SLC37A3: variants seen among roughly 807,000 people sequenced by gnomAD.
The protein encoded by SLC37A3 is solute carrier family 37 member 3.
SLC37A3 carries 51 observed loss-of-function variants against 67.1 expected under a neutral mutation model. The ratio of observed to expected loss-of-function variants is 0.76; its 90% CI spans 0.61 to 0.96. The LOEUF is 0.96. Ranked by LOEUF, SLC37A3 falls within the 40% of genes least tolerant of loss-of-function variation. The pLI is 0.00. For synonymous variants in SLC37A3, 214 were observed against 231.4 expected (o/e 0.92, Z 0.68); for missense variants, 508 against 603.0 (o/e 0.84, Z 1.65).
chr7:140,385,829 C>G (rs1008560234), intron 1 of SLC37A3, among the ~76,000 whole-genome samples: 35 of 152,204 alleles, frequency 2.3e-4, no homozygotes, highest in Admixed American at 1.2e-3. Context: ...GTTGCCCAGG[C>G]TGGAATGCAG....
At position 140,351,453 on chromosome 7, in the gene SLC37A3, T is replaced by A. The variant is rs758348166; in HGVS notation, c.704-2A>T. On this transcript the variant is annotated splice_acceptor_variant, in intron 8 of 14. Transcript: ENST00000326232. LOFTEE classifies it high-confidence loss of function. ...CTTCTGCCTCAATACCCGAGAGACC[T>A]AAAATAACAGCGACAGCCACTGTTT... 4.3e-6 allele frequency: 7 copies of A among 1,612,796 alleles called. No homozygotes were observed. The highest frequency in any genetic ancestry group is 5.1e-6 in the Non-Finnish European group (6 of 1,179,108).
chr7:140,335,487 C>T lies in SLC37A3; in HGVS notation c.1410G>A (p.Val470=). The change falls in exon 15 of 15, where the codon GTG becomes GTA. Residue 470 remains valine, a synonymous_variant. Transcript: ENST00000326232. Reference sequence around the variant, plus strand: ...CCCTCACTATTAATGGCGAGATAAACACAATTGTACAACTTGTCTGTAAAG... The same window carrying T: ...CCCTCACTATTAATGGCGAGATAAATACAATTGTACAACTTGTCTGTAAAG... ...FFILMTSCTI[V]FISPLIVREI... is the part of the protein sequence containing the mutation. The T allele has an allele frequency of 6.2e-7, 1 of 1,613,880 alleles. No individual in the cohort carries two copies. The highest frequency in any genetic ancestry group is 8.5e-7 in the Non-Finnish European group (1 of 1,180,006).
rs117888733 is a variant in SLC37A3, at chr7:140,394,994, A to G, written c.-71+3422T>C. ...CAGATCTAATTCTAGATCCTATGTTATATCATTTAAGGGTAAAGGTTAAAA... is the reference window on the plus strand; with the variant it reads ...CAGATCTAATTCTAGATCCTATGTTGTATCATTTAAGGGTAAAGGTTAAAA... On this transcript the variant is annotated intron_variant, in intron 1 of 14. Coordinates refer to ENST00000326232, the MANE Select transcript of SLC37A3 (RefSeq NM_207113.3). Among the ~76,000 whole-genome samples, 1,503 of 152,216 alleles carry G rather than the reference A, an allele frequency of 9.9e-3. 11 individuals carry two copies. The highest frequency in any genetic ancestry group is 0.051 in the Middle Eastern group (15 of 292).
intron 1 of SLC37A3, among the ~76,000 whole-genome samples, chr7:140,397,714 T>C (rs942322334): frequency 6.6e-6 from 1 of 152,114 alleles, no homozygotes; most frequent in Non-Finnish European, 1.5e-5. Context: ...AACAACTGAA[T>C]GATTTTGCTC....
intron 1 of SLC37A3, among the ~76,000 whole-genome samples, chr7:140,389,319 C>T (rs1798634042): frequency 6.6e-6 from 1 of 152,158 alleles, no homozygotes; most frequent in Non-Finnish European, 1.5e-5. Context: ...TTTGTAGACC[C>T]TGCACTCGAT....
intron 4 of SLC37A3, among the ~76,000 whole-genome samples, chr7:140,365,036 C>A (rs1318685890): frequency 1.3e-5 from 2 of 152,158 alleles, no homozygotes; most frequent in Non-Finnish European, 2.9e-5. Context: ...GGCACACTAG[C>A]TGCCTGTTGA....
intron 5 of SLC37A3, among the ~76,000 whole-genome samples, chr7:140,359,081 C>CA (rs1797155640): frequency 6.6e-6 from 1 of 152,162 alleles, no homozygotes; most frequent in African/African-American, 2.4e-5. Flanking sequence ...GCCGGGCTCA[C>CA]GCCTGTAATC....
intron 5 of SLC37A3, among the ~76,000 whole-genome samples, chr7:140,361,859 G>T (rs1797318164): frequency 7.0e-6 from 1 of 142,964 alleles, no homozygotes. Flanking sequence ...GTGCTCAATG[G>T]TGCCCAGGCT....
intron 1 of SLC37A3, among the ~76,000 whole-genome samples, chr7:140,392,885 A>T (rs893253258): frequency 3.3e-5 from 5 of 152,116 alleles, no homozygotes; most frequent in Non-Finnish European, 7.3e-5. Flanking sequence ...TGAGGTCAGG[A>T]GTTTGAGACC....
In SLC37A3 at chr7:140,397,052, T is replaced by C. The variant is rs551055745; in HGVS notation, c.-71+1364A>G. ...CCGTCCCTACTAAAAATCCAAAAAT[T>C]AGCCTGGCGTGGTGGCGGGCGCCTG... is the stretch of plus-strand genomic sequence containing the variant. On this transcript the variant is annotated intron_variant, in intron 1 of 14. Transcript: ENST00000326232. Among the ~76,000 whole-genome samples the C allele has an allele frequency of 2.0e-5, 3 of 150,584 alleles. No individual in the cohort carries two copies. In the South Asian group the frequency reaches 6.3e-4, roughly 32 times the overall value.
intron 3 of SLC37A3, chr7:140,379,087 T>G (rs2129773760): frequency 6.6e-6 from 1 of 152,170 alleles, no homozygotes; most frequent in East Asian, 1.9e-4. Flanking sequence ...CCTAAAACTT[T>G]GGGAAGCCAA....
At chr7:140,349,508 G>A (rs1328903751) in intron 9 of SLC37A3, among the ~76,000 whole-genome samples, 1 of 140,752 alleles carries the variant, frequency 7.1e-6, no homozygotes, top group Non-Finnish European at 1.5e-5. Context: ...TTACTACCAG[G>A]AAATCCTGAC....
chr7:140,374,902 C>T (rs888831288), intron 3 of SLC37A3, among the ~76,000 whole-genome samples: 2 of 152,024 alleles, frequency 1.3e-5, no homozygotes, highest in Non-Finnish European at 2.9e-5. Flanking sequence ...AATCCCAACA[C>T]TTTGGGAGGC....
intron 8 of SLC37A3, 66 bp downstream of exon 8, chr7:140,351,996 G>A: frequency 6.9e-7 from 1 of 1,447,592 alleles, no homozygotes; most frequent in Non-Finnish European, 9.6e-7. Flanking sequence ...TCGATTTCTT[G>A]GCCTCAGATT....
chr7:140,346,457 C>T (rs1265043981), intron 10 of SLC37A3, among the ~76,000 whole-genome samples: 2 of 152,116 alleles, frequency 1.3e-5, no homozygotes, highest in Non-Finnish European at 2.9e-5. Context: ...GTTAAATCAC[C>T]ATGATGACCA....
At chr7:140,344,271 T>C (rs934744982) in intron 12 of SLC37A3, among the ~76,000 whole-genome samples, 2 of 151,156 alleles carry the variant, frequency 1.3e-5, no homozygotes, top group African/African-American at 2.4e-5. Flanking sequence ...CTACTAAAAA[T>C]ACAAAAATTA....
intron 12 of SLC37A3, 83 bp from the exon 13 acceptor site, chr7:140,343,646 A>C: frequency 7.1e-7 from 1 of 1,405,758 alleles, no homozygotes; most frequent in Non-Finnish European, 9.8e-7. Context: ...ATATCCGAAT[A>C]GTTTTCTTAA....
At chr7:140,364,592 A>C (rs1797525555) in intron 4 of SLC37A3, 101 bp from the exon 5 acceptor site, 1 of 1,121,902 alleles carries the variant, frequency 8.9e-7, no homozygotes, top group Non-Finnish European at 1.3e-6. Flanking sequence ...ATATTATTTA[A>C]AATTAACTCT....
intron 13 of SLC37A3, among the ~76,000 whole-genome samples, chr7:140,340,564 G>A (rs1796320931): frequency 6.6e-6 from 1 of 151,514 alleles, no homozygotes; most frequent in African/African-American, 2.4e-5. Context: ...AAAAAGCAGA[G>A]GTCTCATCAT....
Sources: allele counts gnomAD v4.1 joint callset (sites outside exome capture counted in the v4.1 genomes callset), GRCh38; gene constraint gnomAD v4.1.1; transcripts MANE v1.5; gene names NCBI Gene and HGNC (gene_info 2026-07-23, HGNC 2026-07-21).